DPYD: variants seen among roughly 807,000 people sequenced by gnomAD.
DPYD encodes the protein dihydropyrimidine dehydrogenase [NADP(+)].
In DPYD, 109 loss-of-function variants were observed where a neutral mutation model predicts 116.2. The ratio of observed to expected loss-of-function variants is 0.94; its 90% CI spans 0.80 to 1.10. The LOEUF is 1.10. Ranked by LOEUF, DPYD falls within the 50% of genes least tolerant of loss-of-function variation. DPYD has a pLI of 0.00. For synonymous variants in DPYD, 440 were observed against 432.0 expected (o/e 1.02, Z -0.23); for missense variants, 1,302 against 1,254.5 (o/e 1.04, Z -0.57).
At chr1:97,431,484 C>T (rs1675174399) in intron 14 of DPYD, among the ~76,000 whole-genome samples, 1 of 152,218 alleles carries the variant, frequency 6.6e-6, no homozygotes, top group East Asian at 1.9e-4. Context: ...AATGTTAGAA[C>T]TTCTGATATT....
intron 19 of DPYD, among the ~76,000 whole-genome samples, chr1:97,208,948 G>C (rs1211359260): frequency 6.6e-6 from 1 of 152,078 alleles, no homozygotes; most frequent in African/African-American, 2.4e-5. Flanking sequence ...TGTGCAACTG[G>C]TGTCTTCTGA....
chr1:97,119,323 C>T (rs911278321), intron 20 of DPYD, among the ~76,000 whole-genome samples: 7 of 152,094 alleles, frequency 4.6e-5, no homozygotes, highest in Non-Finnish European at 7.4e-5. Flanking sequence ...AATTAGCACA[C>T]GAGTGTCCCG....
intron 20 of DPYD, among the ~76,000 whole-genome samples, chr1:97,105,352 C>A (rs1651060030): frequency 6.6e-6 from 1 of 151,964 alleles, no homozygotes; most frequent in South Asian, 2.1e-4. Context: ...TGGTATGAGG[C>A]TGAAGGACTT....
intron 19 of DPYD, among the ~76,000 whole-genome samples, chr1:97,196,276 G>T (rs1271288824): frequency 6.6e-6 from 1 of 151,270 alleles, no homozygotes; most frequent in East Asian, 1.9e-4. Context: ...ATTGTTTTTG[G>T]TATTTATTTA....
chr1:97,611,288 C>T (rs1434108083), intron 8 of DPYD, among the ~76,000 whole-genome samples: 1 of 151,904 alleles, frequency 6.6e-6, no homozygotes. Flanking sequence ...GAGAACAACA[C>T]AGGAAAGACC....
chr1:97,407,171 G>A (rs1004760962), intron 14 of DPYD, among the ~76,000 whole-genome samples: 1 of 152,044 alleles, frequency 6.6e-6, no homozygotes, highest in Non-Finnish European at 1.5e-5. Context: ...GAATAAAAAA[G>A]AGGTTAATAA....
chr1:97,387,795 TG>T (rs1425823007), intron 14 of DPYD, among the ~76,000 whole-genome samples: 9 of 152,142 alleles, frequency 5.9e-5, no homozygotes, highest in African/African-American at 1.9e-4. Flanking sequence ...CTTTTGTGGT[TG>T]TAGATTCATG....
intron 14 of DPYD, among the ~76,000 whole-genome samples, chr1:97,413,532 C>T (rs1674126785): frequency 6.6e-6 from 1 of 152,170 alleles, no homozygotes; most frequent in South Asian, 2.1e-4. Flanking sequence ...GGCTTGATCT[C>T]GGCTCACTGC....
At chr1:97,097,607 G>A (rs1348070264) in intron 21 of DPYD, among the ~76,000 whole-genome samples, 1 of 152,004 alleles carries the variant, frequency 6.6e-6, no homozygotes, top group Admixed American at 6.6e-5. Flanking sequence ...CTGTCTTGAG[G>A]GTGACAGAAA....
chr1:97,370,361 C>G (rs895525713), intron 16 of DPYD, among the ~76,000 whole-genome samples: 3 of 152,018 alleles, frequency 2.0e-5, no homozygotes, highest in African/African-American at 7.2e-5. Context: ...GGGAGTTGAA[C>G]AACAAGAACA....
At chr1:97,879,073 T>C (rs762244167) in intron 2 of DPYD, among the ~76,000 whole-genome samples, 14 of 151,968 alleles carry the variant, frequency 9.2e-5, no homozygotes, top group African/African-American at 3.4e-4. Flanking sequence ...GGCAATTGCA[T>C]AGGTTCAGTC....
At chr1:97,718,621 T>C (rs1457216219) in intron 5 of DPYD, among the ~76,000 whole-genome samples, 1 of 151,916 alleles carries the variant, frequency 6.6e-6, no homozygotes, top group Non-Finnish European at 1.5e-5. Context: ...AATTTTAATA[T>C]TTCTAAATTG....
intron 20 of DPYD, among the ~76,000 whole-genome samples, chr1:97,145,445 C>G (rs1654546676): frequency 6.6e-6 from 1 of 152,152 alleles, no homozygotes; most frequent in African/African-American, 2.4e-5. Context: ...TCGTTCCAAG[C>G]TACCGAAACT....
Position 97,595,171 on chromosome 1 carries a change from G to A in DPYD, c.851-5C>T. On this transcript the variant is annotated splice_region_variant and splice_polypyrimidine_tract_variant and intron_variant, in intron 8 of 22. Transcript: ENST00000370192. ...CTTTATTGGGTTCTGGCAAACCTAA[G>A]TAATCAAATTTATAAAATATCATTA... The A allele has an allele frequency of 6.2e-7, 1 of 1,611,282 alleles. No individual in the cohort carries two copies.
chr1:97,893,040 G>A (rs1286020556), intron 1 of DPYD, among the ~76,000 whole-genome samples: 1 of 151,774 alleles, frequency 6.6e-6, no homozygotes, highest in Non-Finnish European at 1.5e-5. Flanking sequence ...AAGATGTTTA[G>A]AGTGGTGCAT....
In DPYD at chr1:97,305,262, A is replaced by G; in HGVS notation, c.2296T>C (p.Ser766Pro). 2 of 1,612,292 alleles carry G rather than the reference A, an allele frequency of 1.2e-6. No homozygotes were observed. The highest frequency in any genetic ancestry group is 2.2e-5 in the East Asian group (1 of 44,788). ...GCAAGAAGTGGGCAACACCTACCAGACACTCCTCCATATGTAGTTCGCTTT... is the reference window on the plus strand; with the variant it reads ...GCAAGAAGTGGGCAACACCTACCAGGCACTCCTCCATATGTAGTTCGCTTT... ...IAKRTTYGGV[S>P]GTAIRPIALR... The change falls in exon 18 of 23, where the codon TCT (serine) becomes CCT (proline). Residue 766 changes from serine to proline, a missense_variant. By Grantham distance (74) the Ser-to-Pro change is moderately conservative. Coordinates refer to ENST00000370192, the MANE Select transcript of DPYD (RefSeq NM_000110.4).
chr1:97,702,879 TA>T (rs2100980962), intron 5 of DPYD, among the ~76,000 whole-genome samples: 1 of 152,098 alleles, frequency 6.6e-6, no homozygotes, highest in East Asian at 1.9e-4. Flanking sequence ...TGAATTATTT[TA>T]AAAAATGTTT....
intron 7 of DPYD, among the ~76,000 whole-genome samples, chr1:97,684,417 T>C (rs1660601925): frequency 6.6e-6 from 1 of 152,104 alleles, no homozygotes; most frequent in Non-Finnish European, 1.5e-5. Context: ...ATTTCAGTTG[T>C]TTTGCATTTG....
intron 20 of DPYD, among the ~76,000 whole-genome samples, chr1:97,135,671 C>A (rs1653730872): frequency 6.6e-6 from 1 of 152,046 alleles, no homozygotes; most frequent in Non-Finnish European, 1.5e-5. Flanking sequence ...AAAATAGTGT[C>A]TTTTTTCTTT....
Sources: gnomAD v4.1 joint callset for allele counts (sites outside exome capture counted in the v4.1 genomes callset) on GRCh38, gnomAD v4.1.1 for gene constraint, MANE v1.5 for transcripts, NCBI Gene and HGNC (gene_info 2026-07-23, HGNC 2026-07-21) for gene names.